The following C14orf132 variants were observed in gnomAD, a reference collection of about 807,000 sequenced individuals.
C14orf132 encodes the protein uncharacterized protein C14orf132.
Under a neutral mutation model 5.8 loss-of-function variants are expected in C14orf132, and 6 were observed. The ratio of observed to expected loss-of-function variants is 1.03; its 90% CI spans 0.57 to 2.04. C14orf132 has a LOEUF of 2.04. Ranked by LOEUF, C14orf132 falls within the 30% of genes most tolerant of loss-of-function variation. The pLI, the probability that C14orf132 is intolerant of heterozygous loss-of-function variation, is 0.00. For synonymous variants in C14orf132, 51 were observed against 49.8 expected (o/e 1.02, Z -0.10); for missense variants, 125 against 115.8 (o/e 1.08, Z -0.37).
At chr14:96,057,408 A>T (rs1887215551) in intron 1 of C14orf132, among the ~76,000 whole-genome samples, 1 of 152,146 alleles carries the variant, frequency 6.6e-6, no homozygotes. Flanking sequence ...GGAGAAATAA[A>T]ATTCTATTGT....
At chr14:96,086,285 C>T (rs547440812) in intron 1 of C14orf132, among the ~76,000 whole-genome samples, 106 of 152,236 alleles carry the variant, frequency 7.0e-4, no homozygotes, top group Admixed American at 3.2e-3. Flanking sequence ...TTGATGCTTT[C>T]ATAGTAGCGT....
intron 1 of C14orf132, among the ~76,000 whole-genome samples, chr14:96,054,962 G>A (rs1299137531): frequency 6.6e-6 from 1 of 152,152 alleles, no homozygotes; most frequent in Non-Finnish European, 1.5e-5. Flanking sequence ...CTGCTGTTCA[G>A]CCACGTCTCT....
rs1888206676 is a variant in C14orf132, at chr14:96,086,751, C to A, written c.*16C>A. 6.5e-7 allele frequency: 1 copy of A among 1,534,274 alleles called. No individual in the cohort carries two copies. The highest frequency in any genetic ancestry group is 1.4e-5 in the African/African-American group (1 of 73,014). On this transcript the variant is annotated 3_prime_UTR_variant, in exon 2 of 2. Coordinates refer to ENST00000555004, the MANE Select transcript of C14orf132 (RefSeq NM_001252507.3). ...CACCTTCTGAGGACGGCACACCCTG[C>A]ACCACCATGGGGTGAGGCTTGGCAC...
chr14:96,040,209 A>G, intron 1 of C14orf132: 3 of 365,782 alleles, frequency 8.2e-6, no homozygotes, highest in Non-Finnish European at 9.6e-6. Flanking sequence ...TTCCTCCGGC[A>G]GAATGCCCTG....
intron 1 of C14orf132, among the ~76,000 whole-genome samples, chr14:96,048,564 G>T (rs1595168277): frequency 6.6e-6 from 1 of 151,528 alleles, no homozygotes; most frequent in East Asian, 1.9e-4. Flanking sequence ...TCACTCTGTT[G>T]CCCTGGCTGG....
In C14orf132 at chr14:96,090,685, G is replaced by A. The variant is rs921791333; in HGVS notation, c.*3950G>A. ...ATTCTCGCTCCTTTCAGATCCCCCAGGATCTGAGGGAGAAAGGATGGGAGG... is the reference window on the plus strand; with the variant it reads ...ATTCTCGCTCCTTTCAGATCCCCCAAGATCTGAGGGAGAAAGGATGGGAGG... On this transcript the variant is annotated 3_prime_UTR_variant, in exon 2 of 2. Transcript: ENST00000555004. 5 of 456,040 alleles carry A rather than the reference G, an allele frequency of 1.1e-5. No individual in the cohort carries two copies. Among genetic ancestry groups the A allele is most frequent in the South Asian group, 7.7e-5 (5 of 64,564 alleles). 28.2% of individuals were successfully genotyped at this position (456,040 alleles called of 1,614,324 possible).
intron 1 of C14orf132, among the ~76,000 whole-genome samples, chr14:96,074,586 G>A (rs1341594709): frequency 2.7e-5 from 4 of 145,486 alleles, no homozygotes; most frequent in African/African-American, 1.0e-4. Flanking sequence ...TGTAATTTTT[G>A]TGTAAGAGAT....
chr14:96,047,351 G>A (rs1168406852), intron 1 of C14orf132, among the ~76,000 whole-genome samples: 3 of 152,206 alleles, frequency 2.0e-5, no homozygotes, highest in Non-Finnish European at 4.4e-5. Context: ...ACATCTGCAG[G>A]TGGATGGCCA....
rs574326638 is a variant in C14orf132 at position 96,084,250 on chromosome 14, G to A, written c.28-2261G>A. Reference sequence around the variant, plus strand: ...GCAATGAGTGGGAAGGGACAGGAACGCTGGTTAATTCCTGGGAATCTGGCA... The same window carrying A: ...GCAATGAGTGGGAAGGGACAGGAACACTGGTTAATTCCTGGGAATCTGGCA... On this transcript the variant is annotated intron_variant, in intron 1 of 1. Coordinates refer to ENST00000555004, the MANE Select transcript of C14orf132 (RefSeq NM_001252507.3). Among the ~76,000 whole-genome samples the A allele has an allele frequency of 1.7e-4, 26 of 152,348 alleles. No individual in the cohort carries two copies. In the East Asian group the frequency reaches 4.4e-3, roughly 26 times the overall value.
Position 96,086,717 on chromosome 14 carries a change from G to A in C14orf132, c.234G>A (p.Val78=), listed in dbSNP as rs1274557213. 1.3e-6 allele frequency: 2 copies of A among 1,536,050 alleles called. No homozygotes were observed. Among genetic ancestry groups the A allele is most frequent in the East Asian group, 2.4e-5 (1 of 40,930 alleles). The change falls in exon 2 of 2, where the codon GTG becomes GTA. Residue 78 remains valine, a synonymous_variant. Transcript: ENST00000555004. ...GGAACATCGTGGTGGTGGGCGTGGTGTATGCCTTCACCTTCTGAGGACGGC... is the reference window on the plus strand; with the variant it reads ...GGAACATCGTGGTGGTGGGCGTGGTATATGCCTTCACCTTCTGAGGACGGC... The part of the protein sequence containing the change: ...TLGNIVVVGV[V]YAFTF
intron 1 of C14orf132, among the ~76,000 whole-genome samples, chr14:96,082,667 G>C (rs1394662258): frequency 6.6e-6 from 1 of 152,080 alleles, no homozygotes. Context: ...CCTGGTTATC[G>C]ATCACACAAA....
In C14orf132 at chr14:96,084,097, G is replaced by A. The variant is rs111246859; in HGVS notation, c.28-2414G>A. 2.4e-3 allele frequency among the ~76,000 whole-genome samples: 359 copies of A among 152,366 alleles called. 1 individual carries two copies. The highest frequency in any genetic ancestry group is 8.3e-3 in the African/African-American group (345 of 41,580). Reference sequence around the variant, plus strand: ...TCACATTTGCCCTAAAGAGAAGAGAGAGACAGGACATATGCCCAGAGAGCT... The same window carrying A: ...TCACATTTGCCCTAAAGAGAAGAGAAAGACAGGACATATGCCCAGAGAGCT... On this transcript the variant is annotated intron_variant, in intron 1 of 1. Coordinates refer to ENST00000555004, the MANE Select transcript of C14orf132 (RefSeq NM_001252507.3).
At chr14:96,040,495 C>T (rs1756420383) in intron 1 of C14orf132, 1 of 388,500 alleles carries the variant, frequency 2.6e-6, no homozygotes, top group African/African-American at 2.1e-5. Flanking sequence ...GGCAGGGACC[C>T]CATCTGCTGC....
At chr14:96,080,664 G>C (rs1888003430) in intron 1 of C14orf132, among the ~76,000 whole-genome samples, 1 of 152,146 alleles carries the variant, frequency 6.6e-6, no homozygotes. Context: ...AGGCCTAAAG[G>C]CCACCCCACT....
chr14:96,070,799 G>A (rs1189948754), intron 1 of C14orf132, among the ~76,000 whole-genome samples: 2 of 152,076 alleles, frequency 1.3e-5, no homozygotes, highest in Non-Finnish European at 2.9e-5. Context: ...AGGTGTGCAG[G>A]GGAGTAGCTG....
chr14:96,044,543 A>G (rs1447372183), intron 1 of C14orf132, among the ~76,000 whole-genome samples: 1 of 152,242 alleles, frequency 6.6e-6, no homozygotes, highest in Non-Finnish European at 1.5e-5. Flanking sequence ...GTGATAAATT[A>G]CTACAAACTG....
intron 1 of C14orf132, among the ~76,000 whole-genome samples, chr14:96,052,392 G>A (rs1277098068): frequency 1.3e-5 from 2 of 152,196 alleles, no homozygotes; most frequent in African/African-American, 4.8e-5. Context: ...CTCCCCCCGG[G>A]AGAGGCTATA....
chr14:96,056,436 C>T (rs762651348), intron 1 of C14orf132, among the ~76,000 whole-genome samples: 28 of 152,264 alleles, frequency 1.8e-4, no homozygotes, highest in Non-Finnish European at 3.8e-4. Flanking sequence ...CGCTGGGCTC[C>T]GCTGAGGAAC....
chr14:96,077,469 T>C (rs1887904380), intron 1 of C14orf132, among the ~76,000 whole-genome samples: 1 of 152,090 alleles, frequency 6.6e-6, no homozygotes, highest in Admixed American at 6.5e-5. Flanking sequence ...TTGGCATCCT[T>C]ATAAGAATAG....
Sources: allele counts gnomAD v4.1 joint callset (sites outside exome capture counted in the v4.1 genomes callset), GRCh38; gene constraint gnomAD v4.1.1; transcripts MANE v1.5; gene names NCBI Gene and HGNC (gene_info 2026-07-23, HGNC 2026-07-21).